The following NTM variants were observed in gnomAD, a reference collection of about 807,000 sequenced individuals.
NTM encodes IgLON family member 2.
In NTM, 13 loss-of-function variants were observed where a neutral mutation model predicts 42.1. The ratio of observed to expected loss-of-function variants is 0.31; its 90% CI spans 0.20 to 0.49. The LOEUF (loss-of-function observed/expected upper bound fraction) is 0.49. Among genes scored for constraint, NTM ranks in the 20% least tolerant of loss-of-function variants. The pLI is 0.99. For synonymous variants in NTM, 187 were observed against 179.2 expected (o/e 1.04, Z -0.35); for missense variants, 373 against 452.8 (o/e 0.82, Z 1.60).
chr11:132,056,049 A>G (rs151178819), intron 2 of NTM, among the ~76,000 whole-genome samples: 1 of 152,354 alleles, frequency 6.6e-6, no homozygotes, highest in African/African-American at 2.4e-5. Flanking sequence ...GAGGTGTGGG[A>G]CAGTGGGAAA....
intron 7 of NTM, among the ~76,000 whole-genome samples, chr11:132,324,910 G>A (rs888416138): frequency 1.3e-5 from 2 of 151,212 alleles, no homozygotes; most frequent in Non-Finnish European, 1.5e-5. Flanking sequence ...AGAAAAACAA[G>A]CAATGGGGAA....
intron 1 of NTM, among the ~76,000 whole-genome samples, chr11:131,695,441 A>G (rs1202793280): frequency 6.6e-6 from 1 of 152,182 alleles, no homozygotes; most frequent in African/African-American, 2.4e-5. Flanking sequence ...TTGAATTTTT[A>G]GAGTGATCCG....
chr11:132,170,648 A>G (rs1434676190), intron 3 of NTM, among the ~76,000 whole-genome samples: 2 of 152,228 alleles, frequency 1.3e-5, no homozygotes, highest in Non-Finnish European at 2.9e-5. Flanking sequence ...GTTTCAATCT[A>G]ATATTTAATT....
chr11:131,689,354 C>A (rs1197989069), intron 1 of NTM, among the ~76,000 whole-genome samples: 2 of 152,202 alleles, frequency 1.3e-5, no homozygotes, highest in Non-Finnish European at 2.9e-5. Context: ...AGGCTTGGCT[C>A]AGGAGGGGCT....
chr11:132,241,785 C>G (rs995622933), intron 4 of NTM, among the ~76,000 whole-genome samples: 6 of 152,198 alleles, frequency 3.9e-5, no homozygotes, highest in African/African-American at 1.4e-4. Flanking sequence ...GCCTCATATC[C>G]ACAAGTGCAC....
rs115391701 is a variant in NTM at position 131,974,700 on chromosome 11, C to A, written c.167+63052C>A. Among the ~76,000 whole-genome samples, 726 of 152,256 alleles carry A rather than the reference C, an allele frequency of 4.8e-3. 6 individuals carry two copies. The highest frequency in any genetic ancestry group is 0.017 in the African/African-American group (690 of 41,564). ...GGGTAAGTCACTAAAATGCTCTTTGCCTTAGTCTTTTCACTTGAAAAATAT... is the reference window on the plus strand; with the variant it reads ...GGGTAAGTCACTAAAATGCTCTTTGACTTAGTCTTTTCACTTGAAAAATAT... On this transcript the variant is annotated intron_variant, in intron 2 of 8. Transcript: ENST00000683400.
In NTM at chr11:132,217,356, T is replaced by TGTGTGTGTG. The variant is rs1491403568; in HGVS notation, c.526+5209_526+5210insGTGTGTGTG. 3.6e-4 allele frequency among the ~76,000 whole-genome samples: 49 copies of TGTGTGTGTG among 135,308 alleles called. 1 individual carries two copies. Among genetic ancestry groups the TGTGTGTGTG allele is most frequent in the South Asian group, 5.0e-4 (2 of 3,996 alleles). 88.8% of individuals were successfully genotyped at this position (135,308 alleles called of 152,430 possible). ...TGCCTCTTTCTCTCTCTCTCTCTCT[T>TGTGTGTGTG]TCTGTGTGTGTGTGTGTGTGTGTGT... is the stretch of plus-strand genomic sequence containing the variant. On this transcript the variant is annotated intron_variant, in intron 4 of 8. Coordinates refer to ENST00000683400, the MANE Select transcript of NTM (RefSeq NM_001352005.2).
At chr11:132,019,765 G>T (rs138349786) in intron 2 of NTM, among the ~76,000 whole-genome samples, 1 of 152,026 alleles carries the variant, frequency 6.6e-6, no homozygotes, top group African/African-American at 2.4e-5. Context: ...TAGATTTTTA[G>T]ATAGCTTATA....
At chr11:131,679,815 C>A (rs1358328620) in intron 1 of NTM, among the ~76,000 whole-genome samples, 1 of 152,086 alleles carries the variant, frequency 6.6e-6, no homozygotes, top group Non-Finnish European at 1.5e-5. Context: ...TGACGGCCCT[C>A]CCAGTCACCC....
chr11:131,698,487 A>G (rs1413064877), intron 1 of NTM, among the ~76,000 whole-genome samples: 1 of 152,182 alleles, frequency 6.6e-6, no homozygotes, highest in Non-Finnish European at 1.5e-5. Flanking sequence ...CACCCGCATA[A>G]CAACACGATG....
At chr11:131,669,836 T>C (rs745869978) in intron 1 of NTM, among the ~76,000 whole-genome samples, 1 of 152,194 alleles carries the variant, frequency 6.6e-6, no homozygotes, top group Non-Finnish European at 1.5e-5. Context: ...AATAAACTTG[T>C]CTGTGACTTC....
At chr11:131,564,002 A>G (rs1447537821) in intron 1 of NTM, among the ~76,000 whole-genome samples, 1 of 152,150 alleles carries the variant, frequency 6.6e-6, no homozygotes, top group Non-Finnish European at 1.5e-5. Flanking sequence ...CTGCAACCTG[A>G]GGCCACCAAG....
At chr11:131,666,795 C>A (rs955972695) in intron 1 of NTM, among the ~76,000 whole-genome samples, 2 of 152,188 alleles carry the variant, frequency 1.3e-5, no homozygotes, top group Non-Finnish European at 2.9e-5. Context: ...AGGCTGATGA[C>A]ACACTACCAT....
intron 1 of NTM, chr11:131,385,197 G>C (rs1943162308): frequency 6.6e-6 from 1 of 152,222 alleles, no homozygotes; most frequent in Non-Finnish European, 1.5e-5. Context: ...CCCAGACAAA[G>C]TCAGGGGCCT....
chr11:131,977,818 A>G (rs1450825289), intron 2 of NTM, among the ~76,000 whole-genome samples: 3 of 152,346 alleles, frequency 2.0e-5, no homozygotes, highest in African/African-American at 4.8e-5. Context: ...ACAAGTCTCC[A>G]TTCTCAGGGA....
At chr11:131,568,585 A>T (rs1592078153) in intron 1 of NTM, among the ~76,000 whole-genome samples, 1 of 152,300 alleles carries the variant, frequency 6.6e-6, no homozygotes, top group East Asian at 1.9e-4. Flanking sequence ...CCCCCAACAC[A>T]GGCTGCACCC....
rs372421288 is a variant in NTM at position 132,058,396 on chromosome 11, C to A, written c.168-87886C>A. On this transcript the variant is annotated intron_variant, in intron 2 of 8. Transcript: ENST00000683400. Reference sequence around the variant, plus strand: ...CACCTGCCTTGAGAACTCTGCCCTGCGAAGCGGATTAAGTCTCCTTCCTAG... The same window carrying A: ...CACCTGCCTTGAGAACTCTGCCCTGAGAAGCGGATTAAGTCTCCTTCCTAG... 9.5e-4 allele frequency among the ~76,000 whole-genome samples: 144 copies of A among 152,296 alleles called. 2 individuals are homozygous for A. The South Asian group carries it at 0.029, about 31-fold the overall frequency.
chr11:131,993,052 A>G (rs1321361857), intron 2 of NTM, among the ~76,000 whole-genome samples: 1 of 152,210 alleles, frequency 6.6e-6, no homozygotes, highest in Non-Finnish European at 1.5e-5. Flanking sequence ...TGAGAACCTG[A>G]TTATAAAAGT....
chr11:132,152,703 G>T (rs2072220422), intron 3 of NTM, among the ~76,000 whole-genome samples: 1 of 152,174 alleles, frequency 6.6e-6, no homozygotes, highest in Non-Finnish European at 1.5e-5. Flanking sequence ...TGAAGCAGTT[G>T]CTGACAACGG....
Sources: gnomAD v4.1 joint callset for allele counts (sites outside exome capture counted in the v4.1 genomes callset) on GRCh38, gnomAD v4.1.1 for gene constraint, MANE v1.5 for transcripts, NCBI Gene and HGNC (gene_info 2026-07-23, HGNC 2026-07-21) for gene names.